The following LRP1B variants were observed in gnomAD, a reference collection of about 807,000 sequenced individuals.
The protein encoded by LRP1B is low-density lipoprotein receptor-related protein 1B.
LRP1B carries 217 observed loss-of-function variants against 556.6 expected under a neutral mutation model. The ratio of observed to expected loss-of-function variants is 0.39; its 90% CI spans 0.35 to 0.44. LRP1B has a LOEUF of 0.44. Among genes scored for constraint, LRP1B ranks in the 20% least tolerant of loss-of-function variants. LRP1B has a pLI of 1.00. For missense variants in LRP1B, 5,053 were observed against 5,620.8 expected, an observed-to-expected ratio of 0.90 and a Z score of 3.23; for synonymous variants, 2,047 against 1,865.8, an observed-to-expected ratio of 1.10 and a Z score of -2.50.
chr2:140,241,455 A>G (rs1191441210), intron 87 of LRP1B, among the ~76,000 whole-genome samples: 1 of 150,838 alleles, frequency 6.6e-6, no homozygotes, highest in Non-Finnish European at 1.5e-5. Flanking sequence ...CAATGCAATT[A>G]TAAATCATTT....
intron 3 of LRP1B, among the ~76,000 whole-genome samples, chr2:141,450,819 T>C (rs1681392610): frequency 6.6e-6 from 1 of 152,138 alleles, no homozygotes; most frequent in Admixed American, 6.6e-5. Flanking sequence ...TCTTGTCATA[T>C]ACAATATATT....
chr2:140,420,235 A>G (rs2105264364), intron 66 of LRP1B, among the ~76,000 whole-genome samples: 1 of 152,196 alleles, frequency 6.6e-6, no homozygotes, highest in East Asian at 1.9e-4. Context: ...ATAAAAAAAA[A>G]GAATTTGAAC....
At chr2:141,291,665 G>C (rs891134597) in intron 3 of LRP1B, among the ~76,000 whole-genome samples, 2 of 151,854 alleles carry the variant, frequency 1.3e-5, no homozygotes, top group Non-Finnish European at 1.5e-5. Flanking sequence ...GACCATCCTG[G>C]CTAACACGGT....
At chr2:140,303,755 C>T (rs1299657959) in intron 83 of LRP1B, among the ~76,000 whole-genome samples, 1 of 151,964 alleles carries the variant, frequency 6.6e-6, no homozygotes, top group Non-Finnish European at 1.5e-5. Context: ...GTGTGCTGCA[C>T]CCATTAACTC....
chr2:141,960,792 T>C (rs1011682284), intron 1 of LRP1B, among the ~76,000 whole-genome samples: 21 of 151,974 alleles, frequency 1.4e-4, no homozygotes, highest in Admixed American at 3.9e-4. Context: ...CACTGATTAA[T>C]GTTTACAATA....
intron 7 of LRP1B, among the ~76,000 whole-genome samples, chr2:141,130,657 A>G (rs965950870): frequency 6.6e-6 from 1 of 152,152 alleles, no homozygotes; most frequent in African/African-American, 2.4e-5. Context: ...TTATAATAGA[A>G]AAAGAAAAGA....
intron 2 of LRP1B, among the ~76,000 whole-genome samples, chr2:141,617,900 C>T (rs1245493638): frequency 6.6e-6 from 1 of 151,956 alleles, no homozygotes; most frequent in African/African-American, 2.4e-5. Context: ...TATTTTAAGG[C>T]TTAAAACAAA....
intron 83 of LRP1B, among the ~76,000 whole-genome samples, chr2:140,312,554 T>C (rs984592026): frequency 7.2e-5 from 11 of 151,944 alleles, no homozygotes; most frequent in Admixed American, 7.2e-4. Context: ...ATGCATAAAA[T>C]CTTTCAAAAA....
chr2:140,894,062 G>T (rs1295833568), intron 23 of LRP1B, among the ~76,000 whole-genome samples: 1 of 152,156 alleles, frequency 6.6e-6, no homozygotes, highest in Non-Finnish European at 1.5e-5. Flanking sequence ...ATATGTAAAT[G>T]TGTCATTTTT....
chr2:141,060,233 T>C (rs1213068353), intron 8 of LRP1B, among the ~76,000 whole-genome samples: 2 of 151,732 alleles, frequency 1.3e-5, no homozygotes, highest in Non-Finnish European at 2.9e-5. Context: ...GCTTTACATG[T>C]CGTTTTTGGG....
intron 2 of LRP1B, among the ~76,000 whole-genome samples, chr2:141,741,628 T>A (rs1693710054): frequency 6.6e-6 from 1 of 152,190 alleles, no homozygotes; most frequent in African/African-American, 2.4e-5. Context: ...CTTTTGCCCA[T>A]TTTTAAATCA....
intron 30 of LRP1B, among the ~76,000 whole-genome samples, chr2:140,840,455 C>T (rs1266325437): frequency 6.6e-6 from 1 of 152,190 alleles, no homozygotes; most frequent in Non-Finnish European, 1.5e-5. Context: ...AAACTCATTT[C>T]TTCCATTGCT....
chr2:140,748,729 ATAT>A (rs1197155749), intron 35 of LRP1B, among the ~76,000 whole-genome samples: 1 of 122,820 alleles, frequency 8.1e-6, no homozygotes, highest in Non-Finnish European at 1.7e-5. Flanking sequence ...ATATATATGA[ATAT>A]TATATGTATA....
intron 11 of LRP1B, among the ~76,000 whole-genome samples, chr2:141,040,781 G>T (rs1157295010): frequency 6.6e-6 from 1 of 152,046 alleles, no homozygotes; most frequent in Non-Finnish European, 1.5e-5. Context: ...AAGATGCTGG[G>T]GACAGGACTG....
At chr2:140,321,134 A>G (rs541682224) in intron 82 of LRP1B, among the ~76,000 whole-genome samples, 1 of 152,182 alleles carries the variant, frequency 6.6e-6, no homozygotes, top group Non-Finnish European at 1.5e-5. Flanking sequence ...TATTTTCCCC[A>G]TTATACCTAA....
At chr2:141,186,344 G>C (rs1681259151) in intron 7 of LRP1B, among the ~76,000 whole-genome samples, 1 of 151,730 alleles carries the variant, frequency 6.6e-6, no homozygotes, top group Admixed American at 6.6e-5. Flanking sequence ...GTCATGTGCA[G>C]TTTTTCTAAC....
chr2:140,672,669 A>G (rs1289272116), intron 41 of LRP1B, among the ~76,000 whole-genome samples: 1 of 152,066 alleles, frequency 6.6e-6, no homozygotes, highest in African/African-American at 2.4e-5. Context: ...AAATAGTATT[A>G]ACAACCCATT....
At position 140,979,227 on chromosome 2, in the gene LRP1B, T is replaced by G. The variant is rs569177116; in HGVS notation, c.2887+2933A>C. 2.5e-4 allele frequency among the ~76,000 whole-genome samples: 38 copies of G among 152,278 alleles called. 2 individuals are homozygous for G. In the South Asian group the frequency reaches 7.9e-3, roughly 32 times the overall value. On this transcript the variant is annotated intron_variant, in intron 18 of 90. Transcript: ENST00000389484. ...CTCTTGGCCTCAAGCGATCTGCTCA[T>G]CTTGGTCTCCCAAAGCGCTGGAATT...
chr2:141,645,133 T>C (rs964887187), intron 2 of LRP1B, among the ~76,000 whole-genome samples: 1 of 152,116 alleles, frequency 6.6e-6, no homozygotes, highest in African/African-American at 2.4e-5. Context: ...GGGTAAGTTA[T>C]AAAGAAAGTG....
Sources: gnomAD v4.1 joint callset for allele counts (sites outside exome capture counted in the v4.1 genomes callset) on GRCh38, gnomAD v4.1.1 for gene constraint, MANE v1.5 for transcripts, NCBI Gene and HGNC (gene_info 2026-07-23, HGNC 2026-07-21) for gene names.